MAML3: variants seen among roughly 807,000 people sequenced by gnomAD.
The protein encoded by MAML3 is mastermind like transcriptional coactivator 3, also known as mastermind-like protein 3.
A neutral mutation model predicts 101.9 loss-of-function variants in MAML3; 27 were observed. That is an observed-to-expected ratio of 0.27 (90% CI 0.20 to 0.37). The LOEUF (loss-of-function observed/expected upper bound fraction) is 0.37, where lower values mean the gene tolerates loss of function less well. Among genes scored for constraint, MAML3 ranks in the 10% least tolerant of loss-of-function variants. The probability of loss-of-function intolerance (pLI) is 1.00; values close to 1 mark genes in which losing one functional copy is unlikely to be tolerated. For missense variants in MAML3, 1,316 were observed against 1,444.9 expected (o/e 0.91, Z 1.45); for synonymous variants, 501 against 555.9 (o/e 0.90, Z 1.39).
chr4:140,053,888 A>G (rs1415103768), intron 1 of MAML3, among the ~76,000 whole-genome samples: 2 of 152,196 alleles, frequency 1.3e-5, no homozygotes, highest in Non-Finnish European at 2.9e-5. Flanking sequence ...CTCTTAGCAC[A>G]TGGGCCATAC....
At chr4:139,778,098 C>T (rs59536418) in intron 2 of MAML3, among the ~76,000 whole-genome samples, 1,996 of 152,264 alleles carry the variant, frequency 0.013, 47 homozygotes, top group African/African-American at 0.042. Flanking sequence ...TATTCTCAAG[C>T]CTTGGACAGG....
intron 2 of MAML3, among the ~76,000 whole-genome samples, chr4:139,811,218 A>G (rs1208044554): frequency 6.6e-6 from 1 of 152,228 alleles, no homozygotes; most frequent in African/African-American, 2.4e-5. Flanking sequence ...AAACAAAGCA[A>G]TCTGAACTGA....
At chr4:139,944,191 T>A (rs1006697480) in intron 1 of MAML3, among the ~76,000 whole-genome samples, 1 of 152,038 alleles carries the variant, frequency 6.6e-6, no homozygotes, top group African/African-American at 2.4e-5. Flanking sequence ...TTTTTTTTTT[T>A]ATTATACTTT....
At chr4:139,790,216 C>CATATATATATATATATATAT (rs367675413) in intron 2 of MAML3, among the ~76,000 whole-genome samples, 76 of 110,206 alleles carry the variant, frequency 6.9e-4, no homozygotes, top group African/African-American at 2.5e-3. Flanking sequence ...ACCCTAGTGA[C>CATATATATATATATATATAT]ATATATATAT....
intron 1 of MAML3, among the ~76,000 whole-genome samples, chr4:140,140,631 C>G (rs1216133677): frequency 6.6e-6 from 1 of 152,146 alleles, no homozygotes; most frequent in African/African-American, 2.4e-5. Flanking sequence ...AAATCTAGAT[C>G]ATAAATTGAA....
intron 1 of MAML3, among the ~76,000 whole-genome samples, chr4:140,096,536 A>C (rs1728166473): frequency 1.3e-5 from 2 of 152,128 alleles, no homozygotes; most frequent in African/African-American, 4.8e-5. Context: ...CTTGCTTAAC[A>C]TTCACCTTGA....
chr4:139,912,600 C>T (rs967069947), intron 1 of MAML3, among the ~76,000 whole-genome samples: 1 of 152,210 alleles, frequency 6.6e-6, no homozygotes, highest in Admixed American at 6.5e-5. Context: ...TGAGGTCATA[C>T]TGGAGTAGAA....
At chr4:139,894,576 A>G (rs1390452485) in intron 1 of MAML3, among the ~76,000 whole-genome samples, 1 of 150,996 alleles carries the variant, frequency 6.6e-6, no homozygotes, top group Non-Finnish European at 1.5e-5. Context: ...AAGTAAACAG[A>G]GTAGAAAGGG....
chr4:139,750,225 C>T (rs537939006), intron 2 of MAML3, among the ~76,000 whole-genome samples: 133 of 152,292 alleles, frequency 8.7e-4, no homozygotes, highest in African/African-American at 2.1e-3. Context: ...CCCATAGCTC[C>T]AAGTGACAGG....
rs1296763608 is a variant in MAML3, at chr4:140,153,935, C to G, written c.-608G>C. ...CTGCTCAGTTGCATTTCACAGGAAC[C>G]TAGATATCGAATCCTCGGGCTGGGG... is the stretch of plus-strand genomic sequence containing the variant. On this transcript the variant is annotated 5_prime_UTR_variant, in exon 1 of 5. The change abolishes the stop of an existing upstream ORF in the 5' untranslated region. Coordinates refer to ENST00000509479, the MANE Select transcript of MAML3 (RefSeq NM_018717.5). The G allele has an allele frequency of 1.3e-5, 2 of 153,248 alleles. No homozygotes were observed. Among genetic ancestry groups the G allele is most frequent in the Non-Finnish European group, 2.9e-5 (2 of 68,392 alleles). 9.5% of individuals were successfully genotyped at this position (153,248 alleles called of 1,614,324 possible). A position where few individuals can be genotyped will look rare whatever the true frequency, so the allele number is the denominator to read the frequency against.
chr4:139,739,508 C>T (rs1204277798), intron 2 of MAML3, among the ~76,000 whole-genome samples: 2 of 152,110 alleles, frequency 1.3e-5, no homozygotes, highest in African/African-American at 4.8e-5. Context: ...AGCAATTCTA[C>T]ATTGGTTAAA....
At chr4:140,106,576 A>ATACC (rs1259416494) in intron 1 of MAML3, among the ~76,000 whole-genome samples, 13 of 152,208 alleles carry the variant, frequency 8.5e-5, no homozygotes, top group Admixed American at 2.0e-4. Context: ...GTATTTCCAA[A>ATACC]TACCTCTAAA....
chr4:139,871,496 C>T (rs1186441031), intron 2 of MAML3, among the ~76,000 whole-genome samples: 1 of 152,232 alleles, frequency 6.6e-6, no homozygotes, highest in Non-Finnish European at 1.5e-5. Flanking sequence ...TCCAGGGTCA[C>T]ACGCAGTCAG....
At chr4:139,730,759 G>C (rs760418241) in intron 2 of MAML3, 92 bp from the exon 3 acceptor site, 148 of 1,208,242 alleles carry the variant, frequency 1.2e-4, no homozygotes, top group Admixed American at 5.5e-4. Context: ...GAACGGGGCA[G>C]AAGTCCCAGC....
At chr4:140,069,550 AGGAGGAGG>A (rs1278248908) in intron 1 of MAML3, among the ~76,000 whole-genome samples, 3 of 80,782 alleles carry the variant, frequency 3.7e-5, no homozygotes, top group Admixed American at 1.7e-4. Context: ...AAGAAGGAGG[AGGAGGAGG>A]GGAGGAGGAG....
intron 2 of MAML3, among the ~76,000 whole-genome samples, chr4:139,869,843 A>T (rs994582335): frequency 6.6e-6 from 1 of 152,250 alleles, no homozygotes; most frequent in African/African-American, 2.4e-5. Context: ...AGAAAAAAAT[A>T]TGAGATCAGA....
intron 1 of MAML3, among the ~76,000 whole-genome samples, chr4:140,092,990 C>A (rs1332392541): frequency 1.3e-5 from 2 of 152,146 alleles, no homozygotes; most frequent in Admixed American, 1.3e-4. Context: ...GGCAAGGATT[C>A]CTGCACTGTA....
chr4:139,862,333 T>C (rs1731798870), intron 2 of MAML3, among the ~76,000 whole-genome samples: 1 of 152,072 alleles, frequency 6.6e-6, no homozygotes, highest in African/African-American at 2.4e-5. Flanking sequence ...GTTATTCTAG[T>C]GGGCAAACAT....
intron 2 of MAML3, among the ~76,000 whole-genome samples, chr4:139,801,643 G>GGTGTGTGT (rs755484864): frequency 4.2e-4 from 13 of 30,778 alleles, no homozygotes; most frequent in East Asian, 2.5e-3. Context: ...GGTGTGTGTG[G>GGTGTGTGT]GTGTGTGTGT....
Sources: gnomAD v4.1 joint callset for allele counts (sites outside exome capture counted in the v4.1 genomes callset) on GRCh38, gnomAD v4.1.1 for gene constraint, MANE v1.5 for transcripts, NCBI Gene and HGNC (gene_info 2026-07-23, HGNC 2026-07-21) for gene names.